Variants in SNX31 observed in about 807,000 individuals in gnomAD.
SNX31 encodes the protein sorting nexin 31, also known as sorting nexin-31.
In SNX31, 58 loss-of-function variants were observed where a neutral mutation model predicts 65.4. The ratio of observed to expected loss-of-function variants is 0.89; its 90% CI spans 0.72 to 1.10. The LOEUF is 1.10. Among genes scored for constraint, SNX31 ranks in the 50% least tolerant of loss-of-function variants. The pLI is 0.00. For synonymous variants in SNX31, 181 were observed against 190.1 expected (o/e 0.95, Z 0.39); for missense variants, 523 against 529.7 (o/e 0.99, Z 0.12).
intron 13 of SNX31, among the ~76,000 whole-genome samples, chr8:100,574,790 C>T (rs769460977): frequency 1.2e-4 from 18 of 151,960 alleles, no homozygotes; most frequent in Non-Finnish European, 1.9e-4. Flanking sequence ...AAAAACTAGC[C>T]GGATGTGGTG....
chr8:100,627,458 C>CA (rs1161746073), intron 4 of SNX31, among the ~76,000 whole-genome samples: 1 of 152,196 alleles, frequency 6.6e-6, no homozygotes, highest in Non-Finnish European at 1.5e-5. Flanking sequence ...CCCAAAAAGA[C>CA]GACTGAACTA....
intron 12 of SNX31, among the ~76,000 whole-genome samples, chr8:100,583,251 TA>T (rs1332491682): frequency 2.2e-4 from 33 of 151,536 alleles, no homozygotes; most frequent in African/African-American, 7.3e-4. Context: ...GGACTACAGG[TA>T]CCCACCACCA....
chr8:100,574,010 C>A, intron 13 of SNX31, 50 bp from the exon 14 acceptor site: 2 of 1,105,726 alleles, frequency 1.8e-6, no homozygotes, highest in Non-Finnish European at 2.6e-6. Context: ...GAAATCATTT[C>A]CATAACAATA....
chr8:100,581,325 C>CTATATATATATATATATATATA (rs1401988460), intron 12 of SNX31, among the ~76,000 whole-genome samples: 16 of 129,342 alleles, frequency 1.2e-4, no homozygotes, highest in African/African-American at 3.1e-4. Flanking sequence ...ATATCTATAT[C>CTATATATATATATATATATATA]TATCTATCTA....
At chr8:100,611,972 G>A (rs762443664) in intron 7 of SNX31, 28 bp downstream of exon 7, 18 of 1,569,876 alleles carry the variant, frequency 1.1e-5, no homozygotes, top group Admixed American at 3.3e-5. Flanking sequence ...GTCGTCAAAC[G>A]CCTCTGTCAC....
chr8:100,598,093 G>C (rs1365461003), intron 9 of SNX31, among the ~76,000 whole-genome samples: 1 of 152,184 alleles, frequency 6.6e-6, no homozygotes, highest in Non-Finnish European at 1.5e-5. Context: ...CTGATACAGT[G>C]AAACAGGCTG....
intron 1 of SNX31, 44 bp from the exon 2 acceptor site, chr8:100,649,392 AG>A (rs1330567977): frequency 6.2e-7 from 1 of 1,611,074 alleles, no homozygotes; most frequent in Non-Finnish European, 8.5e-7. Context: ...CCGAGGGATA[AG>A]TGAGCATTGC....
chr8:100,593,495 C>A (rs1814776086), intron 10 of SNX31, among the ~76,000 whole-genome samples: 2 of 151,708 alleles, frequency 1.3e-5, no homozygotes, highest in South Asian at 4.2e-4. Flanking sequence ...GCTCTGTCTC[C>A]CAGGCTGGAG....
chr8:100,574,170 C>G (rs1472953366), intron 13 of SNX31, among the ~76,000 whole-genome samples: 1 of 152,190 alleles, frequency 6.6e-6, no homozygotes, highest in Non-Finnish European at 1.5e-5. Context: ...AGAGCACCGC[C>G]TACTGGTTTT....
chr8:100,645,433 C>T (rs7841498), intron 2 of SNX31, among the ~76,000 whole-genome samples: 9,955 of 152,150 alleles, frequency 0.065, 448 homozygotes, highest in Non-Finnish European at 0.095. Context: ...CTTTCAGCCT[C>T]AGACTTAGGG....
chr8:100,630,493 C>T lies in SNX31; in HGVS notation c.257-102G>A. 1 of 908,226 alleles carries T rather than the reference C, an allele frequency of 1.1e-6. No individual in the cohort carries two copies. Among genetic ancestry groups the T allele is most frequent in the Non-Finnish European group, 1.7e-6 (1 of 597,342 alleles). The allele number at this position is 908,226 out of a possible 1,614,324, so 56.3% of individuals were successfully genotyped here. ...GATCCCTCCATGCCTTGCCAGTGCT[C>T]TGTCTCCTCCCTGAAGTGATAAATG... On this transcript the variant is annotated intron_variant, in intron 3 of 13. Coordinates refer to ENST00000311812, the MANE Select transcript of SNX31 (RefSeq NM_152628.4). The surrounding 1 kb of genome is among the most constrained non-coding windows in gnomAD (Gnocchi z 5.3).
intron 8 of SNX31, among the ~76,000 whole-genome samples, chr8:100,606,235 A>T (rs774152777): frequency 6.6e-6 from 1 of 152,150 alleles, no homozygotes; most frequent in Non-Finnish European, 1.5e-5. Flanking sequence ...GGATTTTGCC[A>T]TAGTGCCCAG....
Position 100,617,653 on chromosome 8 carries a change from A to C in SNX31, c.399T>G (p.Ile133Met). Reference protein sequence around the residue: ...LPNEQSIRIEIITSDTAERVL... With the variant: ...LPNEQSIRIEMITSDTAERVL... ...CTCTTTCAGCAGTGTCTGATGTTATAATTTCGATTCTAATACTCTGTTCAT... is the reference window on the plus strand; with the variant it reads ...CTCTTTCAGCAGTGTCTGATGTTATCATTTCGATTCTAATACTCTGTTCAT... Residue 133 changes from isoleucine to methionine, a missense_variant, in exon 5 of 14, where the codon ATT becomes ATG. Coordinates refer to ENST00000311812, the MANE Select transcript of SNX31 (RefSeq NM_152628.4). The C allele has an allele frequency of 6.2e-7, 1 of 1,613,486 alleles. No individual in the cohort carries two copies. The highest frequency in any genetic ancestry group is 8.5e-7 in the Non-Finnish European group (1 of 1,179,606).
chr8:100,631,094 A>C (rs1358063543), intron 3 of SNX31, among the ~76,000 whole-genome samples: 1 of 152,118 alleles, frequency 6.6e-6, no homozygotes, highest in East Asian at 1.9e-4. Context: ...GGCCGAGAGC[A>C]CCCCTTTGAA....
intron 11 of SNX31, 137 bp from the exon 12 acceptor site, chr8:100,584,325 C>T (rs974931425): frequency 6.8e-6 from 4 of 587,764 alleles, no homozygotes; most frequent in Non-Finnish European, 8.3e-6. Flanking sequence ...CTTCATTAAC[C>T]TCTAGAAGTT....
rs886821236 is a variant in SNX31, at chr8:100,612,892, C to G, written c.523+103G>C. On this transcript the variant is annotated intron_variant, in intron 6 of 13. Transcript: ENST00000311812. This position sits in a 1 kb window ranked among gnomAD's most constrained non-coding sequence, Gnocchi z 4.3. ...TGACTGAGAACAGTGGTAGGGATCACAGCCCAGTGGGTGGCCAGCCCCTCA... is the reference window on the plus strand; with the variant it reads ...TGACTGAGAACAGTGGTAGGGATCAGAGCCCAGTGGGTGGCCAGCCCCTCA... 3.9e-5 allele frequency: 37 copies of G among 947,162 alleles called. No individual in the cohort carries two copies. Among genetic ancestry groups the G allele is most frequent in the Admixed American group, 8.7e-5 (5 of 57,786 alleles). 58.7% of individuals were successfully genotyped at this position (947,162 alleles called of 1,614,324 possible).
chr8:100,657,770 C>G (rs759378855), intron 1 of SNX31: 4 of 456,072 alleles, frequency 8.8e-6, no homozygotes, highest in Non-Finnish European at 1.8e-5. Context: ...ACTTGGGAGG[C>G]TGAGGCAGGA....
At position 100,599,448 on chromosome 8, in the gene SNX31, C is replaced by CT. The variant is rs568047251; in HGVS notation, c.774+900dup. ...TACAAACACACAGAGAAACTGAACTCTTTTTTTTTTTTTTGTGACAAAGCT... is the reference window on the plus strand; with the variant it reads ...TACAAACACACAGAGAAACTGAACTCTTTTTTTTTTTTTTTGTGACAAAGCT... On this transcript the variant is annotated intron_variant, in intron 9 of 13. Coordinates refer to ENST00000311812, the MANE Select transcript of SNX31 (RefSeq NM_152628.4). 4.7e-3 allele frequency among the ~76,000 whole-genome samples: 669 copies of CT among 141,510 alleles called. 3 individuals carry two copies. The highest frequency in any genetic ancestry group is 0.029 in the Middle Eastern group (8 of 278). 92.8% of individuals were successfully genotyped at this position (141,510 alleles called of 152,430 possible).
intron 2 of SNX31, among the ~76,000 whole-genome samples, chr8:100,643,117 G>T (rs376932704): frequency 2.0e-4 from 5 of 25,248 alleles, no homozygotes; most frequent in South Asian, 1.3e-3. Context: ...CTTGAACTTG[G>T]GGGGGGTGGA....
Sources: allele counts gnomAD v4.1 joint callset (sites outside exome capture counted in the v4.1 genomes callset), GRCh38; gene constraint gnomAD v4.1.1; non-coding constraint Gnocchi (gnomAD v3.1); transcripts MANE v1.5; gene names NCBI Gene and HGNC (gene_info 2026-07-23, HGNC 2026-07-21).